PALLD: variants seen among roughly 807,000 people sequenced by gnomAD.
The protein encoded by PALLD is palladin, cytoskeletal associated protein.
A neutral mutation model predicts 123.5 loss-of-function variants in PALLD; 61 were observed. The ratio of observed to expected loss-of-function variants is 0.49; its 90% CI spans 0.40 to 0.61. The LOEUF is 0.61. Among genes scored for constraint, PALLD ranks in the 20% least tolerant of loss-of-function variants. The pLI, the probability that PALLD is intolerant of heterozygous loss-of-function variation, is 0.00. For synonymous variants in PALLD, 465 were observed against 496.4 expected, an observed-to-expected ratio of 0.94 and a Z score of 0.84; for missense variants, 1,273 against 1,377.0, an observed-to-expected ratio of 0.92 and a Z score of 1.20.
intron 10 of PALLD, among the ~76,000 whole-genome samples, chr4:168,787,967 G>C (rs1402839044): frequency 6.6e-6 from 1 of 152,212 alleles, no homozygotes; most frequent in African/African-American, 2.4e-5. Context: ...CAGGAAAAAA[G>C]TCTGTATAAC....
intron 2 of PALLD, among the ~76,000 whole-genome samples, chr4:168,655,386 T>C (rs1314082959): frequency 6.6e-6 from 1 of 152,210 alleles, no homozygotes; most frequent in Non-Finnish European, 1.5e-5. Flanking sequence ...ATGCCCTGTT[T>C]GAGATGCCTG....
intron 10 of PALLD, among the ~76,000 whole-genome samples, chr4:168,757,057 T>C (rs559442995): frequency 1.1e-4 from 16 of 152,266 alleles, no homozygotes; most frequent in African/African-American, 3.9e-4. Flanking sequence ...ATCTTTTGAA[T>C]TGGACAAGAC....
At chr4:168,682,893 C>A in intron 4 of PALLD, 105 bp from the exon 5 acceptor site, 1 of 694,564 alleles carries the variant, frequency 1.4e-6, no homozygotes, top group Non-Finnish European at 2.5e-6. Flanking sequence ...AGAAACCCAG[C>A]TTTTCTGTTG....
At chr4:168,698,403 A>G (rs7685545) in intron 8 of PALLD, among the ~76,000 whole-genome samples, 62,747 of 151,878 alleles carry the variant, frequency 0.41, 15,435 homozygotes, top group African/African-American at 0.7. Flanking sequence ...TAACTAAAAG[A>G]ATAAATATTA....
intron 10 of PALLD, among the ~76,000 whole-genome samples, chr4:168,714,855 A>G (rs1251039483): frequency 7.2e-6 from 1 of 139,302 alleles, no homozygotes; most frequent in Non-Finnish European, 1.5e-5. Flanking sequence ...GATCATTTTC[A>G]AAAAAAAAAA....
At chr4:168,507,763 A>T (rs1457573555) in intron 1 of PALLD, 3 of 178,706 alleles carry the variant, frequency 1.7e-5, no homozygotes, top group Non-Finnish European at 3.6e-5. Flanking sequence ...CCCATAACAT[A>T]AAATGCAAGT....
intron 10 of PALLD, among the ~76,000 whole-genome samples, chr4:168,731,146 C>G (rs1561457198): frequency 6.6e-6 from 1 of 152,172 alleles, no homozygotes; most frequent in Non-Finnish European, 1.5e-5. Flanking sequence ...TCTGTAGGCA[C>G]TTGGGTTTTC....
intron 17 of PALLD, among the ~76,000 whole-genome samples, chr4:168,918,292 G>A (rs1246484814): frequency 6.6e-6 from 1 of 150,688 alleles, no homozygotes; most frequent in Admixed American, 6.6e-5. Context: ...ATCAGCCTAA[G>A]TGTCAACAGA....
chr4:168,723,151 A>G (rs774025305), intron 10 of PALLD, among the ~76,000 whole-genome samples: 6 of 152,200 alleles, frequency 3.9e-5, no homozygotes, highest in Non-Finnish European at 7.3e-5. Flanking sequence ...TGTTAGAAGG[A>G]ACATTAACAT....
intron 9 of PALLD, among the ~76,000 whole-genome samples, chr4:168,709,531 GAA>G (rs1561429210): frequency 0.048 from 5 of 104 alleles, no homozygotes; most frequent in Admixed American, 0.25. Context: ...AGGAAGGAAG[GAA>G]GGAAGGAAGG....
intron 2 of PALLD, among the ~76,000 whole-genome samples, chr4:168,531,826 C>G (rs1764631575): frequency 2.0e-5 from 3 of 152,184 alleles, no homozygotes; most frequent in African/African-American, 7.2e-5. Context: ...TGAAGTAAAT[C>G]CTTTCCTGCT....
At chr4:168,707,648 G>A (rs1365211746) in intron 8 of PALLD, among the ~76,000 whole-genome samples, 5 of 152,184 alleles carry the variant, frequency 3.3e-5, no homozygotes, top group Admixed American at 2.6e-4. Context: ...CAGGTTCAAC[G>A]GATGGGGAAA....
intron 2 of PALLD, among the ~76,000 whole-genome samples, chr4:168,533,594 G>A (rs983158404): frequency 2.6e-5 from 4 of 152,172 alleles, no homozygotes; most frequent in Non-Finnish European, 1.5e-5. Flanking sequence ...TTTACGTTAC[G>A]GACTTGAGTC....
chr4:168,508,500 A>G (rs1762229856), intron 1 of PALLD, among the ~76,000 whole-genome samples: 6 of 152,120 alleles, frequency 3.9e-5, no homozygotes, highest in Admixed American at 3.9e-4. Context: ...TAGGCTTCAC[A>G]ATTTCGTCAT....
intron 10 of PALLD, among the ~76,000 whole-genome samples, chr4:168,810,814 C>CAA (rs756218492): frequency 1.3e-4 from 8 of 62,502 alleles, no homozygotes; most frequent in South Asian, 3.9e-4. Flanking sequence ...GACTCCGTCT[C>CAA]AAAAAAAAAA....
chr4:168,710,667 T>C (rs1318264598), intron 9 of PALLD, among the ~76,000 whole-genome samples: 2 of 152,200 alleles, frequency 1.3e-5, no homozygotes, highest in Non-Finnish European at 2.9e-5. Context: ...CTGTAAGTGC[T>C]GAAAGAAACC....
intron 2 of PALLD, among the ~76,000 whole-genome samples, chr4:168,580,089 C>G (rs1488426680): frequency 1.3e-5 from 2 of 151,966 alleles, no homozygotes; most frequent in Admixed American, 1.3e-4. Flanking sequence ...ATGAGTTTGA[C>G]TTTTTTGGAT....
At chr4:168,576,941 A>T (rs192569460) in intron 2 of PALLD, among the ~76,000 whole-genome samples, 1 of 152,236 alleles carries the variant, frequency 6.6e-6, no homozygotes, top group Non-Finnish European at 1.5e-5. Flanking sequence ...GGTGCTGGAG[A>T]GGATGTGGAG....
chr4:168,883,167 T>G (rs1051805904), intron 10 of PALLD, among the ~76,000 whole-genome samples: 1 of 151,986 alleles, frequency 6.6e-6, no homozygotes, highest in Non-Finnish European at 1.5e-5. Flanking sequence ...TGAGGAGAAT[T>G]TGATATTACA....
Sources: allele counts gnomAD v4.1 joint callset (sites outside exome capture counted in the v4.1 genomes callset), GRCh38; gene constraint gnomAD v4.1.1; transcripts MANE v1.5; gene names NCBI Gene and HGNC (gene_info 2026-07-23, HGNC 2026-07-21).